Variants in TMEM169 observed in about 807,000 individuals in gnomAD.
TMEM169 encodes the protein transmembrane protein 169.
Under a neutral mutation model 27.3 loss-of-function variants are expected in TMEM169, and 18 were observed. The ratio of observed to expected loss-of-function variants is 0.66; its 90% CI spans 0.46 to 0.98. TMEM169 has a LOEUF of 0.98. Among genes scored for constraint, TMEM169 ranks in the 50% least tolerant of loss-of-function variants. The probability of loss-of-function intolerance (pLI) is 0.00; values close to 1 mark genes in which losing one functional copy is unlikely to be tolerated. For missense variants in TMEM169, 320 were observed against 368.6 expected (o/e 0.87, Z 1.08); for synonymous variants, 136 against 142.1 (o/e 0.96, Z 0.30).
At chr2:216,094,981 G>C (rs1696228136) in intron 1 of TMEM169, among the ~76,000 whole-genome samples, 1 of 152,154 alleles carries the variant, frequency 6.6e-6, no homozygotes, top group African/African-American at 2.4e-5. Context: ...GACACAGTTG[G>C]TGAGGTTGTA....
chr2:216,100,608 A>G lies in TMEM169; in HGVS notation c.*66A>G. On this transcript the variant is annotated 3_prime_UTR_variant, in exon 3 of 3. Transcript: ENST00000437356. ...ATATATCATCTTAAAATTCCAGCAGATTATTTCTTTAAATTACCCCCTACT... is the reference window on the plus strand; with the variant it reads ...ATATATCATCTTAAAATTCCAGCAGGTTATTTCTTTAAATTACCCCCTACT... 6.2e-7 allele frequency: 1 copy of G among 1,601,934 alleles called. No individual in the cohort carries two copies. Among genetic ancestry groups the G allele is most frequent in the Non-Finnish European group, 8.5e-7 (1 of 1,174,338 alleles).
chr2:216,100,263 G>C lies in TMEM169; in HGVS notation c.615G>C (p.Ser205=). ...NEERTFWHKI[S]YCPCLVLFYP... ...AAAGGACCTTCTGGCACAAGATCTC[G>C]TATTGCCCTTGCCTCGTTCTCTTCT... The change falls in exon 3 of 3, where the codon TCG becomes TCC. Residue 205 remains serine (S), a synonymous_variant. Coordinates refer to ENST00000437356, the MANE Select transcript of TMEM169 (RefSeq NM_001142311.2). 6.2e-7 allele frequency: 1 copy of C among 1,613,710 alleles called. No homozygotes were observed. The highest frequency in any genetic ancestry group is 1.1e-5 in the South Asian group (1 of 91,066).
chr2:216,093,267 G>C (rs1386318612), intron 1 of TMEM169, among the ~76,000 whole-genome samples: 1 of 151,842 alleles, frequency 6.6e-6, no homozygotes, highest in Non-Finnish European at 1.5e-5. Flanking sequence ...CACTTTGGTA[G>C]AAGAGCCCTG....
intron 1 of TMEM169, among the ~76,000 whole-genome samples, chr2:216,085,029 C>T (rs565131893): frequency 6.6e-6 from 1 of 152,240 alleles, no homozygotes; most frequent in South Asian, 2.1e-4. Context: ...GGCTCTGTAT[C>T]CCAGGCTGGA....
rs897670773 is a variant in TMEM169 at position 216,100,715 on chromosome 2, A to C, written c.*173A>C. On this transcript the variant is annotated 3_prime_UTR_variant, in exon 3 of 3. Coordinates refer to ENST00000437356, the MANE Select transcript of TMEM169 (RefSeq NM_001142311.2). The stretch of plus-strand genomic sequence containing the variant: ...GGTTCCAGGAGGGCATGGAGCAGAC[A>C]AGCAATTGTGCCAAAGCAGTTCACC... 3 of 851,662 alleles carry C rather than the reference A, an allele frequency of 3.5e-6. No individual in the cohort carries two copies. The African/African-American group carries it at 5.1e-5, about 15-fold the overall frequency. 52.8% of individuals were successfully genotyped at this position (851,662 alleles called of 1,614,324 possible). A position where few individuals can be genotyped will look rare whatever the true frequency, so the allele number is the denominator to read the frequency against.
Position 216,101,216 on chromosome 2 carries a change from A to G in TMEM169, c.*674A>G, listed in dbSNP as rs1212994311. ...TCCCCAACATCCCAGTGCTGATTAC[A>G]TCTTCAGCCATCACATCCATGTTTC... On this transcript the variant is annotated 3_prime_UTR_variant, in exon 3 of 3. Coordinates refer to ENST00000437356, the MANE Select transcript of TMEM169 (RefSeq NM_001142311.2). 6.5e-6 allele frequency: 1 copy of G among 153,830 alleles called. No homozygotes were observed. Among genetic ancestry groups the G allele is most frequent in the Non-Finnish European group, 1.4e-5 (1 of 69,196 alleles). 9.5% of individuals were successfully genotyped at this position (153,830 alleles called of 1,614,324 possible).
Position 216,100,771 on chromosome 2 carries a change from C to T in TMEM169, c.*229C>T, listed in dbSNP as rs1027486690. 5 of 586,346 alleles carry T rather than the reference C, an allele frequency of 8.5e-6. No homozygotes were observed. In the African/African-American group the frequency reaches 9.4e-5, roughly 11 times the overall value. The allele number at this position is 586,346 out of a possible 1,614,324, so 36.3% of individuals were successfully genotyped here. The stretch of plus-strand genomic sequence containing the variant: ...GACAAACTCTTTTTGATTCCCTGCC[C>T]TAAAATCACCATTTATTTAGGACAA... On this transcript the variant is annotated 3_prime_UTR_variant, in exon 3 of 3. Coordinates refer to ENST00000437356, the MANE Select transcript of TMEM169 (RefSeq NM_001142311.2).
intron 2 of TMEM169, among the ~76,000 whole-genome samples, chr2:216,097,291 T>C (rs1696284649): frequency 6.6e-6 from 1 of 150,824 alleles, no homozygotes; most frequent in Non-Finnish European, 1.5e-5. Context: ...ATCCCAGCAC[T>C]TTGTGAGGCC....
chr2:216,087,189 G>T (rs1696021568), intron 1 of TMEM169, among the ~76,000 whole-genome samples: 1 of 152,052 alleles, frequency 6.6e-6, no homozygotes. Flanking sequence ...GGGGAAAATT[G>T]CTACTGAATC....
Position 216,100,587 on chromosome 2 carries a change from A to G in TMEM169, c.*45A>G. ...CTCCTCTGGCCCCAGTAGCCTATAT[A>G]TCATCTTAAAATTCCAGCAGATTAT... On this transcript the variant is annotated 3_prime_UTR_variant, in exon 3 of 3. Coordinates refer to ENST00000437356, the MANE Select transcript of TMEM169 (RefSeq NM_001142311.2). The G allele has an allele frequency of 6.2e-7, 1 of 1,610,544 alleles. No individual in the cohort carries two copies.
Position 216,095,827 on chromosome 2 carries a change from C to A in TMEM169, c.-126-11C>A. 1 of 1,061,950 alleles carries A rather than the reference C, an allele frequency of 9.4e-7. No homozygotes were observed. Among genetic ancestry groups the A allele is most frequent in the Non-Finnish European group, 1.3e-6 (1 of 754,818 alleles). 65.8% of individuals were successfully genotyped at this position (1,061,950 alleles called of 1,614,324 possible). A position where few individuals can be genotyped will look rare whatever the true frequency, so the allele number is the denominator to read the frequency against. ...GCTTCCTGTTGATGGCTTTGCTTTC[C>A]TATCTTTCAGGTGGAATGCATCCTT... On this transcript the variant is annotated splice_polypyrimidine_tract_variant and intron_variant, in intron 1 of 2. Coordinates refer to ENST00000437356, the MANE Select transcript of TMEM169 (RefSeq NM_001142311.2).
Position 216,099,405 on chromosome 2 carries a change from T to C in TMEM169, c.272-515T>C, listed in dbSNP as rs1230158476. On this transcript the variant is annotated intron_variant, in intron 2 of 2. Transcript: ENST00000437356. This position sits in a 1 kb window ranked among gnomAD's most constrained non-coding sequence, Gnocchi z 5.0. ...TGAGAGGGTGTATGTGTATGGTATA[T>C]GTGGGATGCATGTGTGTATGCGTGC... 6.6e-6 allele frequency among the ~76,000 whole-genome samples: 1 copy of C among 151,788 alleles called. No individual in the cohort carries two copies. Among genetic ancestry groups the C allele is most frequent in the African/African-American group, 2.4e-5 (1 of 41,262 alleles).
At chr2:216,088,785 G>T (rs965560075) in intron 1 of TMEM169, among the ~76,000 whole-genome samples, 2 of 152,170 alleles carry the variant, frequency 1.3e-5, no homozygotes, top group African/African-American at 4.8e-5. Flanking sequence ...TTCCATAAAT[G>T]TTGTGGTGTT....
rs139020062 is a variant in TMEM169, at chr2:216,100,477, G to A, written c.829G>A (p.Asp277Asn). The A allele has an allele frequency of 1.7e-5, 28 of 1,613,922 alleles. No homozygotes were observed. The African/African-American group carries it at 1.9e-4, about 11-fold the overall frequency. The change falls in exon 3 of 3, where the codon GAC becomes AAC. Residue 277 changes from aspartate (D) to asparagine (N), a missense_variant. Physicochemically the swap from Asp to Asn is conservative, Grantham distance 23. Transcript: ENST00000437356. ...CAGCATTGTGGAGTTGCTTGAATCC[G>A]ACAATATCTCAAGCACTCTCTCCAA... ...PYSIVELLES[D>N]NISSTLSNKD...
chr2:216,101,933 A>G lies in TMEM169; in HGVS notation c.*1391A>G, dbSNP rs1696405884. ...TCTTACACAGAGAATTTATATATAGATATTAGCTACATATACTTTGAATAT... is the reference window on the plus strand; with the variant it reads ...TCTTACACAGAGAATTTATATATAGGTATTAGCTACATATACTTTGAATAT... On this transcript the variant is annotated 3_prime_UTR_variant, in exon 3 of 3. Transcript: ENST00000437356. 4 of 152,338 alleles carry G rather than the reference A, an allele frequency of 2.6e-5. No homozygotes were observed. In the South Asian group the frequency reaches 8.3e-4, roughly 32 times the overall value. The allele number at this position is 152,338 out of a possible 1,614,324, so 9.4% of individuals were successfully genotyped here.
At chr2:216,095,385 G>C (rs1411299576) in intron 1 of TMEM169, among the ~76,000 whole-genome samples, 2 of 152,028 alleles carry the variant, frequency 1.3e-5, no homozygotes, top group Admixed American at 1.3e-4. Flanking sequence ...ACTGTGCCCA[G>C]CCTACCTGTG....
chr2:216,095,942 A>G lies in TMEM169; in HGVS notation c.-22A>G. On this transcript the variant is annotated 5_prime_UTR_variant, in exon 2 of 3. Coordinates refer to ENST00000437356, the MANE Select transcript of TMEM169 (RefSeq NM_001142311.2). ...AAACAAGTCCAACTCTTTATAAGACATAGGTAGACGTCAGGTCTGGAATGG... is the reference window on the plus strand; with the variant it reads ...AAACAAGTCCAACTCTTTATAAGACGTAGGTAGACGTCAGGTCTGGAATGG... 1 of 1,605,970 alleles carries G rather than the reference A, an allele frequency of 6.2e-7. No homozygotes were observed.
At position 216,100,095 on chromosome 2, in the gene TMEM169, C is replaced by T. The variant is rs1696354901; in HGVS notation, c.447C>T (p.Ala149=). Residue 149 remains alanine, a synonymous_variant, in exon 3 of 3, where the codon GCC becomes GCT. Transcript: ENST00000437356. Reference sequence around the variant, plus strand: ...AAACGACGCCTGAAGGAAGAATGGCCTGCCAGATGGGAGCTGACCGTGGGC... The same window carrying T: ...AAACGACGCCTGAAGGAAGAATGGCTTGCCAGATGGGAGCTGACCGTGGGC... ...SRETTPEGRM[A]CQMGADRGPH... 1.2e-6 allele frequency: 2 copies of T among 1,614,052 alleles called. No homozygotes were observed. The highest frequency in any genetic ancestry group is 1.7e-6 in the Non-Finnish European group (2 of 1,180,026).
At position 216,100,051 on chromosome 2, in the gene TMEM169, C is replaced by CTT; in HGVS notation, c.403_404insTT (p.Pro135LeufsTer32). 2.5e-6 allele frequency: 4 copies of CTT among 1,614,198 alleles called. No homozygotes were observed. The highest frequency in any genetic ancestry group is 3.4e-6 in the Non-Finnish European group (4 of 1,180,044). On this transcript the variant is annotated frameshift_variant, in exon 3 of 3. Transcript: ENST00000437356. LOFTEE classifies it high-confidence loss of function. ...GAAAGAGCTGCAGGAACTGACCAAACCTAAAGAGTCATCAAGGGAAACGAC... is the reference window on the plus strand; with the variant it reads ...GAAAGAGCTGCAGGAACTGACCAAACTTCTAAAGAGTCATCAAGGGAAACGAC...
Sources: gnomAD v4.1 joint callset for allele counts (sites outside exome capture counted in the v4.1 genomes callset) on GRCh38, gnomAD v4.1.1 for gene constraint, Gnocchi (gnomAD v3.1) non-coding constraint, MANE v1.5 for transcripts, NCBI Gene and HGNC (gene_info 2026-07-23, HGNC 2026-07-21) for gene names.